Variants in GCLC observed in about 807,000 individuals in gnomAD.
GCLC encodes glutamate-cysteine ligase catalytic subunit.
A neutral mutation model predicts 81.5 loss-of-function variants in GCLC; 30 were observed. That is an observed-to-expected ratio of 0.37 (90% CI 0.28 to 0.50). The LOEUF (loss-of-function observed/expected upper bound fraction) is 0.50, where lower values mean the gene tolerates loss of function less well. Ranked by LOEUF, GCLC falls within the 20% of genes least tolerant of loss-of-function variation. GCLC has a pLI of 0.96. For missense variants in GCLC, 556 were observed against 777.4 expected, an observed-to-expected ratio of 0.72 and a Z score of 3.39; for synonymous variants, 262 against 273.3, an observed-to-expected ratio of 0.96 and a Z score of 0.41.
In GCLC at chr6:53,510,510, G is replaced by A. The variant is rs1173837605; in HGVS notation, c.754-1260C>T. ...AGAAGGGGCAAGGAACACAAATTGT[G>A]TTTGTTAGCACATTTGTAATAACTG... On this transcript the variant is annotated intron_variant, in intron 6 of 15. Transcript: ENST00000650454. The A allele has an allele frequency of 2.6e-5, 4 of 151,306 alleles. No individual in the cohort carries two copies. The East Asian group carries it at 7.8e-4, about 29-fold the overall frequency. The allele number at this position is 151,306 out of a possible 1,614,324, so 9.4% of individuals were successfully genotyped here.
At chr6:53,511,380 GA>G (rs1320582380) in intron 6 of GCLC, among the ~76,000 whole-genome samples, 1 of 152,122 alleles carries the variant, frequency 6.6e-6, no homozygotes, top group Non-Finnish European at 1.5e-5. Flanking sequence ...GCATCTCTTA[GA>G]TTTTTTAGGT....
At chr6:53,539,632 A>G (rs1161814223) in intron 1 of GCLC, among the ~76,000 whole-genome samples, 1 of 151,996 alleles carries the variant, frequency 6.6e-6, no homozygotes, top group Non-Finnish European at 1.5e-5. Flanking sequence ...ATCCAAGTCC[A>G]TGGCTCTATA....
At chr6:53,541,181 A>ACTC (rs2127631826) in intron 1 of GCLC, among the ~76,000 whole-genome samples, 1 of 152,242 alleles carries the variant, frequency 6.6e-6, no homozygotes, top group African/African-American at 2.4e-5. Context: ...CACGTCATGC[A>ACTC]CTCCAGCCTG....
intron 1 of GCLC, among the ~76,000 whole-genome samples, chr6:53,529,593 G>T (rs1370371858): frequency 6.6e-6 from 1 of 152,170 alleles, no homozygotes; most frequent in Non-Finnish European, 1.5e-5. Context: ...AAACAACATT[G>T]TAAGTATGAA....
At chr6:53,532,301 C>T (rs1452956643) in intron 1 of GCLC, among the ~76,000 whole-genome samples, 4 of 152,246 alleles carry the variant, frequency 2.6e-5, no homozygotes, top group African/African-American at 9.6e-5. Context: ...TGCGCCCTCT[C>T]ATTTCTGCCT....
rs1764404828 is a variant in GCLC, at chr6:53,497,942, C to CTT, written c.*812_*813dup. On this transcript the variant is annotated 3_prime_UTR_variant, in exon 16 of 16. Coordinates refer to ENST00000650454, the MANE Select transcript of GCLC (RefSeq NM_001498.4). ...GAAGAACGCCATTTTTGACAATATCCTTTGTATGTATAGGAAGAAAAATGA... is the reference window on the plus strand; with the variant it reads ...GAAGAACGCCATTTTTGACAATATCCTTTTTGTATGTATAGGAAGAAAAATGA... 1 of 152,192 alleles carries CTT rather than the reference C, an allele frequency of 6.6e-6. No individual in the cohort carries two copies. The highest frequency in any genetic ancestry group is 1.9e-4 in the East Asian group (1 of 5,192). 9.4% of individuals were successfully genotyped at this position (152,192 alleles called of 1,614,324 possible).
At position 53,505,798 on chromosome 6, in the gene GCLC, C is replaced by CT; in HGVS notation, c.1290+4dup. The CT allele has an allele frequency of 6.4e-7, 1 of 1,560,086 alleles. No individual in the cohort carries two copies. Among genetic ancestry groups the CT allele is most frequent in the Non-Finnish European group, 8.8e-7 (1 of 1,130,688 alleles). On this transcript the variant is annotated splice_donor_region_variant and intron_variant, in intron 11 of 15. Coordinates refer to ENST00000650454, the MANE Select transcript of GCLC (RefSeq NM_001498.4). ...AGTCAGTTCTTGCTGATGCATGTGTCTTACCTCCATGGGTCGAAATTCTAC... is the reference window on the plus strand; with the variant it reads ...AGTCAGTTCTTGCTGATGCATGTGTCTTTACCTCCATGGGTCGAAATTCTAC...
intron 11 of GCLC, 122 bp downstream of exon 11, chr6:53,505,681 C>A (rs1253645940): frequency 2.4e-5 from 18 of 764,314 alleles, no homozygotes; most frequent in Non-Finnish European, 4.2e-5. Flanking sequence ...TGACTTGCTA[C>A]CATGCACATA....
At chr6:53,536,635 T>C (rs1763262000) in intron 1 of GCLC, among the ~76,000 whole-genome samples, 1 of 152,212 alleles carries the variant, frequency 6.6e-6, no homozygotes, top group Non-Finnish European at 1.5e-5. Flanking sequence ...CTTGACAGTA[T>C]GTAAAAATGT....
rs778950668 is a variant in GCLC, at chr6:53,506,910, T to C, written c.1197+3A>G. The C allele has an allele frequency of 3.6e-6, 5 of 1,397,462 alleles. No individual in the cohort carries two copies. The highest frequency in any genetic ancestry group is 1.7e-5 in the Admixed American group (1 of 59,792). 86.6% of individuals were successfully genotyped at this position (1,397,462 alleles called of 1,614,324 possible). ...ATAAATAAAAATAAAACTGAGAAGA[T>C]ACCTCAAAATGGTCAGACTCATTAG... On this transcript the variant is annotated splice_donor_region_variant and intron_variant, in intron 10 of 15. Transcript: ENST00000650454. The surrounding 1 kb of genome is among the most constrained non-coding windows in gnomAD (Gnocchi z 4.0).
At chr6:53,512,067 G>C in intron 6 of GCLC, among the ~76,000 whole-genome samples, 1 of 150,760 alleles carries the variant, frequency 6.6e-6, no homozygotes, top group East Asian at 2.0e-4. Context: ...TCATGCCTCA[G>C]ACTCCTCAGT....
rs1764433076 is a variant in GCLC at position 53,498,784 on chromosome 6, C to T, written c.1886G>A (p.Ser629Asn). ...GTTGGATGAGTCAGTTTTACTTCCA[C>T]TATATTTTACTTTCCTAAATGCTGA... ...LGSAFRKVKY[S>N]GSKTDSSN The change falls in exon 16 of 16, where the codon AGT (serine) becomes AAT (asparagine). Residue 629 changes from serine (S) to asparagine (N), a missense_variant. This residue lies in a region of GCLC where 313 missense variants were observed against 437.3 expected (regional missense o/e 0.72). Coordinates refer to ENST00000650454, the MANE Select transcript of GCLC (RefSeq NM_001498.4). 3 of 1,611,802 alleles carry T rather than the reference C, an allele frequency of 1.9e-6. No individual in the cohort carries two copies. The highest frequency in any genetic ancestry group is 1.7e-5 in the Admixed American group (1 of 60,002).
intron 6 of GCLC, among the ~76,000 whole-genome samples, chr6:53,512,584 T>C (rs2036734090): frequency 6.6e-6 from 1 of 152,190 alleles, no homozygotes; most frequent in African/African-American, 2.4e-5. Flanking sequence ...GCAAAATTCA[T>C]TTCATGTGCC....
intron 1 of GCLC, among the ~76,000 whole-genome samples, chr6:53,531,637 T>A (rs1450338452): frequency 2.6e-5 from 4 of 152,210 alleles, no homozygotes; most frequent in African/African-American, 4.8e-5. Flanking sequence ...GACACTTTTG[T>A]TCCCTCTGCC....
intron 4 of GCLC, among the ~76,000 whole-genome samples, chr6:53,515,455 C>T (rs756598466): frequency 9.2e-5 from 14 of 152,214 alleles, no homozygotes; most frequent in Non-Finnish European, 7.3e-5. Context: ...TCTGTCTTCC[C>T]CAAAAGGCTC....
chr6:53,503,034 C>T lies in GCLC; in HGVS notation c.1395+2358G>A, dbSNP rs79121543. Among the ~76,000 whole-genome samples, 103 of 152,308 alleles carry T rather than the reference C, an allele frequency of 6.8e-4. 1 individual carries two copies. Among genetic ancestry groups the T allele is most frequent in the African/African-American group, 2.4e-3 (101 of 41,576 alleles). ...TCCTTCCATATCCCCTTACAAGGTG[C>T]TATGGTCTGAATGTCTGTGTTCCCT... On this transcript the variant is annotated intron_variant, in intron 12 of 15. Coordinates refer to ENST00000650454, the MANE Select transcript of GCLC (RefSeq NM_001498.4).
At chr6:53,520,682 G>A in intron 3 of GCLC, 96 bp downstream of exon 3, 3 of 960,278 alleles carry the variant, frequency 3.1e-6, no homozygotes, top group Non-Finnish European at 5.1e-6. Context: ...TGTAACGTAT[G>A]AGGATTGTAA....
chr6:53,531,899 A>G (rs116270286), intron 1 of GCLC, among the ~76,000 whole-genome samples: 3,240 of 152,330 alleles, frequency 0.021, 119 homozygotes, highest in African/African-American at 0.075. Context: ...TCATCTGAAA[A>G]TAAGAGAAAA....
At position 53,498,449 on chromosome 6, in the gene GCLC, A is replaced by C. The variant is rs17885545; in HGVS notation, c.*307T>G. 1.7e-3 allele frequency: 555 copies of C among 330,962 alleles called. 2 individuals are homozygous for C. The highest frequency in any genetic ancestry group is 0.011 in the African/African-American group (521 of 47,524). The allele number at this position is 330,962 out of a possible 1,614,324, so 20.5% of individuals were successfully genotyped here. On this transcript the variant is annotated 3_prime_UTR_variant, in exon 16 of 16. Coordinates refer to ENST00000650454, the MANE Select transcript of GCLC (RefSeq NM_001498.4). Reference sequence around the variant, plus strand: ...GCAAGTATTGTACAATTACCAGTACATTTACAAAACTGCTTAGACAGTAGG... The same window carrying C: ...GCAAGTATTGTACAATTACCAGTACCTTTACAAAACTGCTTAGACAGTAGG...
Sources: gnomAD v4.1 joint callset for allele counts (sites outside exome capture counted in the v4.1 genomes callset) on GRCh38, gnomAD v4.1.1 for gene constraint, gnomAD v4.1.1 regional missense constraint, Gnocchi (gnomAD v3.1) non-coding constraint, MANE v1.5 for transcripts, NCBI Gene and HGNC (gene_info 2026-07-23, HGNC 2026-07-21) for gene names.